ZBBX: variants seen among roughly 807,000 people sequenced by gnomAD.
The protein encoded by ZBBX is zinc finger B-box domain containing, also known as zinc finger B-box domain-containing protein 1.
ZBBX carries 101 observed loss-of-function variants against 108.5 expected under a neutral mutation model. That is an observed-to-expected ratio of 0.93 (90% confidence interval 0.79 to 1.10). The LOEUF is 1.10. ZBBX is among the 50% of genes least tolerant of loss of function. The pLI is 0.00. For missense variants in ZBBX, 1,009 were observed against 941.4 expected (o/e 1.07, Z -0.94); for synonymous variants, 356 against 323.4 (o/e 1.10, Z -1.08).
chr3:167,295,643 T>A (rs1158621513), intron 18 of ZBBX, among the ~76,000 whole-genome samples: 1 of 147,912 alleles, frequency 6.8e-6, no homozygotes, highest in Non-Finnish European at 1.5e-5. Flanking sequence ...AACCTGCATG[T>A]TCTGCATATG....
the ZBBX span, among the ~76,000 whole-genome samples, chr3:167,212,903 C>T: frequency 6.6e-6 from 1 of 152,170 alleles, no homozygotes; most frequent in African/African-American, 2.4e-5. Context: ...TGCTGGATCA[C>T]ACCCCAAAGC....
At chr3:167,352,746 G>A (rs891741778) in intron 8 of ZBBX, among the ~76,000 whole-genome samples, 3 of 149,044 alleles carry the variant, frequency 2.0e-5, no homozygotes, top group African/African-American at 7.4e-5. Context: ...CTAGCAAATT[G>A]AATCCAACAA....
chr3:167,240,874 A>G lies in ZBBX; in HGVS notation c.2439T>C (p.Ser813=). The G allele has an allele frequency of 1.9e-6, 3 of 1,613,594 alleles. No individual in the cohort carries two copies. The highest frequency in any genetic ancestry group is 2.5e-6 in the Non-Finnish European group (3 of 1,179,594). ...DTKIQSLLSL[S]ESSTDEEEED... ...CCTCCTCCTCATCTGTACTGCTCTC[A>G]GAAAGTGACAGCAAAGACTGAATTT... The change falls in exon 22 of 22, where the codon TCT becomes TCC. Residue 813 remains serine, a synonymous_variant. Transcript: ENST00000675490.
At chr3:167,208,906 A>G in the ZBBX span, among the ~76,000 whole-genome samples, 1 of 152,074 alleles carries the variant, frequency 6.6e-6, no homozygotes, top group Non-Finnish European at 1.5e-5. Flanking sequence ...ACGTTTCTGG[A>G]CCTGCCCTGG....
chr3:167,400,672 G>T (rs1748398579), intron 1 of ZBBX, among the ~76,000 whole-genome samples: 1 of 152,048 alleles, frequency 6.6e-6, no homozygotes, highest in African/African-American at 2.4e-5. Flanking sequence ...CCGTACCCGT[G>T]ACACAGCCTC....
intron 18 of ZBBX, among the ~76,000 whole-genome samples, chr3:167,295,762 A>T (rs5010281): frequency 0.25 from 2,689 of 10,588 alleles, 653 homozygotes; most frequent in East Asian, 0.47. Context: ...TATATATAAA[A>T]AAAACTAGTA....
intron 20 of ZBBX, among the ~76,000 whole-genome samples, chr3:167,264,617 A>G (rs1725157186): frequency 6.6e-6 from 1 of 152,182 alleles, no homozygotes. Flanking sequence ...TTGATTCATC[A>G]TTTAGTCTTT....
chr3:167,290,363 C>A (rs1730467205), intron 18 of ZBBX, among the ~76,000 whole-genome samples: 1 of 152,210 alleles, frequency 6.6e-6, no homozygotes, highest in Admixed American at 6.5e-5. Context: ...AAGGAACAGG[C>A]AGCAATCTTT....
At chr3:167,289,505 AG>A (rs1730278869) in intron 18 of ZBBX, among the ~76,000 whole-genome samples, 1 of 152,326 alleles carries the variant, frequency 6.6e-6, no homozygotes, top group African/African-American at 2.4e-5. Context: ...TTACCCAGGA[AG>A]GAAAGGAACT....
rs541401724 is a variant in ZBBX at position 167,372,717 on chromosome 3, T to C, written c.68+117A>G. On this transcript the variant is annotated intron_variant, in intron 4 of 21. Coordinates refer to ENST00000675490, the MANE Select transcript of ZBBX (RefSeq NM_001199201.2). The stretch of plus-strand genomic sequence containing the variant: ...ATAGTATTTCAAAGCTATATTCTTA[T>C]AGATAAAAATACAGGAATGTGAAAA... 40 of 553,200 alleles carry C rather than the reference T, an allele frequency of 7.2e-5. No homozygotes were observed. In the South Asian group the frequency reaches 9.1e-4, roughly 13 times the overall value. The allele number at this position is 553,200 out of a possible 1,614,324, so 34.3% of individuals were successfully genotyped here.
At chr3:167,316,956 A>G in intron 14 of ZBBX, 49 bp downstream of exon 14, 1 of 1,101,384 alleles carries the variant, frequency 9.1e-7, no homozygotes, top group Non-Finnish European at 1.4e-6. Flanking sequence ...ATACATTATG[A>G]ATTCCCTGTT....
At chr3:167,276,889 G>T (rs1194087237) in intron 20 of ZBBX, among the ~76,000 whole-genome samples, 2 of 152,184 alleles carry the variant, frequency 1.3e-5, no homozygotes, top group East Asian at 1.9e-4. Context: ...GACTAACAGC[G>T]GATCTCTCGG....
At chr3:167,202,564 T>C in the ZBBX span, among the ~76,000 whole-genome samples, 1 of 152,110 alleles carries the variant, frequency 6.6e-6, no homozygotes, top group African/African-American at 2.4e-5. Flanking sequence ...ATTGCTTGAA[T>C]GAAATGCAAA....
At chr3:167,276,490 A>T (rs1576856655) in intron 20 of ZBBX, among the ~76,000 whole-genome samples, 1 of 152,228 alleles carries the variant, frequency 6.6e-6, no homozygotes, top group African/African-American at 2.4e-5. Context: ...AAGAAAGGGT[A>T]TCAGTGATGG....
chr3:167,328,687 C>T (rs1473483508), intron 10 of ZBBX, among the ~76,000 whole-genome samples: 1 of 152,106 alleles, frequency 6.6e-6, no homozygotes, highest in Non-Finnish European at 1.5e-5. Context: ...GTTCTGAGAA[C>T]CCATCAAGCA....
chr3:167,215,014 T>C, the ZBBX span, among the ~76,000 whole-genome samples: 2 of 143,396 alleles, frequency 1.4e-5, no homozygotes, highest in African/African-American at 5.1e-5. Flanking sequence ...TACCATTAAA[T>C]GCCCACATCA....
chr3:167,183,186 G>A, the ZBBX span, among the ~76,000 whole-genome samples: 1 of 152,142 alleles, frequency 6.6e-6, no homozygotes, highest in Non-Finnish European at 1.5e-5. Flanking sequence ...CACCTCTTCT[G>A]TTACTTCGTT....
chr3:167,223,856 A>G, the ZBBX span, among the ~76,000 whole-genome samples: 1 of 151,978 alleles, frequency 6.6e-6, no homozygotes, highest in Non-Finnish European at 1.5e-5. Flanking sequence ...TTATTGCTCC[A>G]CATATAAACT....
In ZBBX at chr3:167,240,472, C is replaced by T. The variant is rs991482253; in HGVS notation, c.*321G>A. 2.5e-4 allele frequency: 43 copies of T among 170,390 alleles called. 2 individuals are homozygous for T. Among genetic ancestry groups the T allele is most frequent in the South Asian group, 2.1e-3 (14 of 6,582 alleles). 10.6% of individuals were successfully genotyped at this position (170,390 alleles called of 1,614,324 possible). On this transcript the variant is annotated 3_prime_UTR_variant, in exon 22 of 22. Transcript: ENST00000675490. ...CATAATTATTTAAAATATAATTGGA[C>T]GATGAAATATTTCTTTAAGTATAAT...
Sources: allele counts gnomAD v4.1 joint callset (sites outside exome capture counted in the v4.1 genomes callset), GRCh38; gene constraint gnomAD v4.1.1; transcripts MANE v1.5; gene names NCBI Gene and HGNC (gene_info 2026-07-23, HGNC 2026-07-21).